Variants in PNN observed in about 807,000 individuals in gnomAD.
The protein encoded by PNN is pinin.
In PNN, 38 loss-of-function variants were observed where a neutral mutation model predicts 76.6. The observed-to-expected ratio is 0.50, with a 90% CI of 0.38 to 0.65. PNN has a LOEUF of 0.65. Among genes scored for constraint, PNN ranks in the 30% least tolerant of loss-of-function variants. PNN has a pLI of 0.00. For missense variants in PNN, 873 were observed against 874.1 expected (o/e 1.00, Z 0.02); for synonymous variants, 366 against 283.7 (o/e 1.29, Z -2.91).
chr14:39,178,605 T>G (rs1340937506), intron 6 of PNN, among the ~76,000 whole-genome samples: 1 of 148,718 alleles, frequency 6.7e-6, no homozygotes, highest in African/African-American at 2.5e-5. Flanking sequence ...AGAGATGGGG[T>G]TTTATCATGT....
intron 6 of PNN, 70 bp from the exon 7 acceptor site, chr14:39,179,021 G>A: frequency 7.1e-7 from 1 of 1,404,394 alleles, no homozygotes; most frequent in Non-Finnish European, 9.8e-7. Flanking sequence ...TAATTGAACT[G>A]AAATCATATA....
At chr14:39,176,296 TAAA>T in intron 2 of PNN, 147 bp downstream of exon 2, 1 of 636,352 alleles carries the variant, frequency 1.6e-6, no homozygotes, top group Non-Finnish European at 2.8e-6. Context: ...GATTTCTGTA[TAAA>T]TATAGTTATC....
intron 6 of PNN, among the ~76,000 whole-genome samples, chr14:39,178,417 A>G (rs1594555135): frequency 6.6e-6 from 1 of 152,064 alleles, no homozygotes; most frequent in East Asian, 1.9e-4. Context: ...TGTAATCCCC[A>G]GCTATTTGGG....
rs772179129 is a variant in PNN, at chr14:39,180,612, A to G, written c.903A>G (p.Glu301=). ...AAGAGCATCAGGTGGTGCGTAATGA[A>G]GAACAGAAGGCGGAACAAGAAGAGG... The part of the protein sequence containing the change: ...KEKEHQVVRN[E]EQKAEQEEGK... The change falls in exon 9 of 9, where the codon GAA becomes GAG. Residue 301 remains glutamate (E), a synonymous_variant. Coordinates refer to ENST00000216832, the MANE Select transcript of PNN (RefSeq NM_002687.4). The G allele has an allele frequency of 8.7e-6, 14 of 1,614,156 alleles. No homozygotes were observed. The Admixed American group carries it at 2.3e-4, about 27-fold the overall frequency.
rs2053274315 is a variant in PNN, at chr14:39,182,020, G to A, written c.*157G>A. 1.6e-6 allele frequency: 1 copy of A among 639,818 alleles called. No homozygotes were observed. Among genetic ancestry groups the A allele is most frequent in the African/African-American group, 1.8e-5 (1 of 54,100 alleles). 39.6% of individuals were successfully genotyped at this position (639,818 alleles called of 1,614,324 possible). On this transcript the variant is annotated 3_prime_UTR_variant, in exon 9 of 9. Coordinates refer to ENST00000216832, the MANE Select transcript of PNN (RefSeq NM_002687.4). Reference sequence around the variant, plus strand: ...GACTGTTTGTTTACCAGACATTCTTGTACTTTTTGCATAATTTTGTAAGAG... The same window carrying A: ...GACTGTTTGTTTACCAGACATTCTTATACTTTTTGCATAATTTTGTAAGAG...
rs1044259351 is a variant in PNN, at chr14:39,176,464, T to A, written c.186-63T>A. 57 of 1,247,752 alleles carry A rather than the reference T, an allele frequency of 4.6e-5. No individual in the cohort carries two copies. The Middle Eastern group carries it at 7.6e-4, about 17-fold the overall frequency. 77.3% of individuals were successfully genotyped at this position (1,247,752 alleles called of 1,614,324 possible). On this transcript the variant is annotated intron_variant, in intron 2 of 8. Coordinates refer to ENST00000216832, the MANE Select transcript of PNN (RefSeq NM_002687.4). Reference sequence around the variant, plus strand: ...TTGAAAGTTTAACCATATTCTCTTGTCAAATGGAAATACCATTTATCTTGT... The same window carrying A: ...TTGAAAGTTTAACCATATTCTCTTGACAAATGGAAATACCATTTATCTTGT...
In PNN at chr14:39,180,756, A is replaced by ATT; in HGVS notation, c.1047_1048insTT (p.Glu350LeufsTer24). 1 of 1,601,084 alleles carries ATT rather than the reference A, an allele frequency of 6.2e-7. No individual in the cohort carries two copies. Among genetic ancestry groups the ATT allele is most frequent in the Non-Finnish European group, 8.5e-7 (1 of 1,172,938 alleles). ...AAATAGCGATTGTTCATAGTGATGC[A>ATT]GAGAAAGAACAGGAGGAGGAAGAAC... On this transcript the variant is annotated frameshift_variant, in exon 9 of 9. Transcript: ENST00000216832. LOFTEE classifies it high-confidence loss of function.
intron 2 of PNN, 100 bp from the exon 3 acceptor site, chr14:39,176,427 T>C (rs778606953): frequency 1.1e-6 from 1 of 904,064 alleles, no homozygotes; most frequent in African/African-American, 1.7e-5. Flanking sequence ...GCTACTTTAG[T>C]TGGAAAGATT....
rs754947842 is a variant in PNN, at chr14:39,175,369, C to T, written c.90C>T (p.Thr30=). ...TGGATGAGAACATTCGCAAGCTCAC[C>T]GGGCGGGATCCGAATGACGTGAGGT... ...KNVDENIRKL[T]GRDPNDVRPI... is the part of the protein sequence containing the mutation. Residue 30 remains threonine, a synonymous_variant, in exon 1 of 9, where the codon ACC becomes ACT. Coordinates refer to ENST00000216832, the MANE Select transcript of PNN (RefSeq NM_002687.4). 3 of 1,610,174 alleles carry T rather than the reference C, an allele frequency of 1.9e-6. No individual in the cohort carries two copies. Among genetic ancestry groups the T allele is most frequent in the Non-Finnish European group, 2.5e-6 (3 of 1,176,930 alleles).
At position 39,180,899 on chromosome 14, in the gene PNN, A is replaced by G. The variant is rs765850920; in HGVS notation, c.1190A>G (p.Lys397Arg). Residue 397 changes from lysine to arginine, a missense_variant, in exon 9 of 9, where the codon AAA becomes AGA. Lys to Arg is a conservative substitution (Grantham distance 26). Transcript: ENST00000216832. ...MDVLEMVENV[K>R]HVIADQEVME... ...GTGCTAGAGATGGTTGAGAATGTCA[A>G]ACATGTAATTGCTGACCAGGAGGTA... 1.4e-5 allele frequency: 22 copies of G among 1,614,160 alleles called. No homozygotes were observed. The highest frequency in any genetic ancestry group is 1.8e-5 in the Non-Finnish European group (21 of 1,180,008).
chr14:39,176,460 C>G (rs926217599), intron 2 of PNN, 67 bp from the exon 3 acceptor site: 15 of 1,217,304 alleles, frequency 1.2e-5, no homozygotes, highest in African/African-American at 6.1e-5. Flanking sequence ...ACCATATTCT[C>G]TTGTCAAATG....
Position 39,180,757 on chromosome 14 carries a change from GAGAAAGAACAGGA to G in PNN, c.1049_1061del (p.Glu350GlyfsTer19). 6.2e-7 allele frequency: 1 copy of G among 1,601,264 alleles called. No homozygotes were observed. The highest frequency in any genetic ancestry group is 8.5e-7 in the Non-Finnish European group (1 of 1,173,034). On this transcript the variant is annotated frameshift_variant, in exon 9 of 9. Coordinates refer to ENST00000216832, the MANE Select transcript of PNN (RefSeq NM_002687.4). LOFTEE classifies it high-confidence loss of function. ...AATAGCGATTGTTCATAGTGATGCA[GAGAAAGAACAGGA>G]GGAGGAAGAACAAAAACAGGAAATG...
chr14:39,178,060 T>C, intron 6 of PNN, 144 bp downstream of exon 6: 1 of 653,550 alleles, frequency 1.5e-6, no homozygotes, highest in Non-Finnish European at 2.7e-6. Flanking sequence ...GTTTAACTTC[T>C]TATAGAACAG....
In PNN at chr14:39,181,282, C is replaced by T. The variant is rs1205339723; in HGVS notation, c.1573C>T (p.Pro525Ser). The change falls in exon 9 of 9, where the codon CCT (proline) becomes TCT (serine). Residue 525 changes from proline (P) to serine (S), a missense_variant. Coordinates refer to ENST00000216832, the MANE Select transcript of PNN (RefSeq NM_002687.4). ...QVTQEQGHLL[P>S]ERKDFPVESV... The stretch of plus-strand genomic sequence containing the variant: ...TACTCAGGAGCAAGGGCATTTACTA[C>T]CTGAGAGGAAGGATTTTCCTGTAGA... The T allele has an allele frequency of 2.5e-6, 4 of 1,613,954 alleles. No individual in the cohort carries two copies. Among genetic ancestry groups the T allele is most frequent in the Non-Finnish European group, 3.4e-6 (4 of 1,179,948 alleles).
chr14:39,175,399 G>C lies in PNN; in HGVS notation c.113+7G>C, dbSNP rs369827623. On this transcript the variant is annotated splice_region_variant and intron_variant, in intron 1 of 8. Coordinates refer to ENST00000216832, the MANE Select transcript of PNN (RefSeq NM_002687.4). ...GGGATCCGAATGACGTGAGGTAAGG[G>C]CCTAACGGGAACTCGGAACTCGGAG... The C allele has an allele frequency of 6.4e-6, 10 of 1,563,784 alleles. No individual in the cohort carries two copies. Among genetic ancestry groups the C allele is most frequent in the East Asian group, 2.2e-5 (1 of 44,544 alleles).
intron 3 of PNN, 76 bp from the exon 4 acceptor site, chr14:39,177,336 T>C: frequency 1.7e-6 from 2 of 1,175,622 alleles, no homozygotes; most frequent in South Asian, 2.6e-5. Context: ...CAGTGAACCG[T>C]GGTGGCACCA....
rs747056944 is a variant in PNN at position 39,177,549 on chromosome 14, C to A, written c.328-44C>A. 202 of 1,587,312 alleles carry A rather than the reference C, an allele frequency of 1.3e-4. 2 individuals carry two copies. In the Middle Eastern group the frequency reaches 1.8e-3, roughly 14 times the overall value. The stretch of plus-strand genomic sequence containing the variant: ...CACTTTACTACATTTAAAAGCACAC[C>A]ACTCATATGCTAGTTAAATTACTGA... On this transcript the variant is annotated intron_variant, in intron 4 of 8. Coordinates refer to ENST00000216832, the MANE Select transcript of PNN (RefSeq NM_002687.4).
At chr14:39,175,743 C>T in intron 1 of PNN, 1 of 466,254 alleles carries the variant, frequency 2.1e-6, no homozygotes, top group Non-Finnish European at 3.8e-6. Flanking sequence ...CGTTGCTGGC[C>T]CCGAGACCCT....
rs770020852 is a variant in PNN, at chr14:39,181,657, G to A, written c.1948G>A (p.Val650Met). The change falls in exon 9 of 9, where the codon GTG becomes ATG. Residue 650 changes from valine (V) to methionine (M), a missense_variant. Physicochemically the swap from Val to Met is conservative, Grantham distance 21. Coordinates refer to ENST00000216832, the MANE Select transcript of PNN (RefSeq NM_002687.4). ...TAGAGATAGAAAGCACAGAAGGAGCGTGGATCGGAAGAGAAGGGATACTTC... is the reference window on the plus strand; with the variant it reads ...TAGAGATAGAAAGCACAGAAGGAGCATGGATCGGAAGAGAAGGGATACTTC... Reference protein sequence around the residue: ...HNRDRKHRRSVDRKRRDTSGL... With the variant: ...HNRDRKHRRSMDRKRRDTSGL... The A allele has an allele frequency of 2.5e-5, 40 of 1,613,954 alleles. No homozygotes were observed. Among genetic ancestry groups the A allele is most frequent in the South Asian group, 9.9e-5 (9 of 91,084 alleles).
Sources: gnomAD v4.1 joint callset for allele counts (sites outside exome capture counted in the v4.1 genomes callset) on GRCh38, gnomAD v4.1.1 for gene constraint, MANE v1.5 for transcripts, NCBI Gene and HGNC (gene_info 2026-07-23, HGNC 2026-07-21) for gene names.